The following BORCS5 variants were observed in gnomAD, a reference collection of about 807,000 sequenced individuals.
BORCS5 encodes BLOC-1 related complex subunit 5.
A neutral mutation model predicts 22.1 loss-of-function variants in BORCS5; 17 were observed. The ratio of observed to expected loss-of-function variants is 0.77; its 90% CI spans 0.53 to 1.15. BORCS5 has a LOEUF of 1.15. Ranked by LOEUF, BORCS5 falls within the 50% of genes most tolerant of loss-of-function variation. The probability of loss-of-function intolerance (pLI) is 0.00; values close to 1 mark genes in which losing one functional copy is unlikely to be tolerated. For synonymous variants in BORCS5, 117 were observed against 99.8 expected (o/e 1.17, Z -1.03); for missense variants, 247 against 253.2 (o/e 0.98, Z 0.17).
chr12:12,373,581 T>C (rs578120498), intron 2 of BORCS5, among the ~76,000 whole-genome samples: 12 of 152,232 alleles, frequency 7.9e-5, no homozygotes, highest in Non-Finnish European at 1.8e-4. Flanking sequence ...AAATGCTTTT[T>C]AATCCATATT....
chr12:12,409,472 A>G (rs1345731419), intron 2 of BORCS5, among the ~76,000 whole-genome samples: 1 of 151,942 alleles, frequency 6.6e-6, no homozygotes, highest in Non-Finnish European at 1.5e-5. Context: ...GAGTGAGAAC[A>G]TATGGTGTTT....
At chr12:12,358,787 G>A (rs1468976378) in intron 1 of BORCS5, among the ~76,000 whole-genome samples, 1 of 152,178 alleles carries the variant, frequency 6.6e-6, no homozygotes, top group African/African-American at 2.4e-5. Context: ...TCTGGGGAAG[G>A]AGGAATCACA....
intron 2 of BORCS5, among the ~76,000 whole-genome samples, chr12:12,395,378 CTT>C (rs149426240): frequency 0.013 from 2,010 of 151,238 alleles, 45 homozygotes; most frequent in African/African-American, 0.046. Context: ...AAATGATTCT[CTT>C]GTCTCAGCCT....
intron 3 of BORCS5, among the ~76,000 whole-genome samples, chr12:12,438,211 A>C (rs934470332): frequency 3.9e-5 from 6 of 151,992 alleles, no homozygotes; most frequent in Non-Finnish European, 8.8e-5. Context: ...AAATACAAAA[A>C]TTAGCCAGGT....
At chr12:12,405,361 C>G (rs1941573216) in intron 2 of BORCS5, among the ~76,000 whole-genome samples, 1 of 152,180 alleles carries the variant, frequency 6.6e-6, no homozygotes, top group African/African-American at 2.4e-5. Context: ...ATTGGTGACT[C>G]TAGAGCTTTC....
At chr12:12,414,628 G>A (rs1941867741) in intron 2 of BORCS5, among the ~76,000 whole-genome samples, 1 of 105,430 alleles carries the variant, frequency 9.5e-6, no homozygotes, top group African/African-American at 4.6e-5. Context: ...TTCCCAGTAG[G>A]GGCGGCCGGG....
At chr12:12,435,878 T>C in intron 3 of BORCS5, 93 bp downstream of exon 3, 1 of 1,270,478 alleles carries the variant, frequency 7.9e-7, no homozygotes, top group Non-Finnish European at 1.1e-6. Flanking sequence ...TTGTCACTAT[T>C]GCTTTGAGGA....
intron 3 of BORCS5, among the ~76,000 whole-genome samples, chr12:12,451,307 AAG>A (rs1284124407): frequency 1.3e-5 from 2 of 152,216 alleles, no homozygotes; most frequent in Admixed American, 6.5e-5. Context: ...TATTTAAACT[AAG>A]AGAAAAACGT....
intron 2 of BORCS5, among the ~76,000 whole-genome samples, chr12:12,401,178 C>A (rs1941464018): frequency 6.6e-6 from 1 of 152,158 alleles, no homozygotes; most frequent in Non-Finnish European, 1.5e-5. Context: ...TAACTAGGAA[C>A]AAATTGCTGT....
At chr12:12,380,915 A>T (rs1046628776) in intron 2 of BORCS5, among the ~76,000 whole-genome samples, 1 of 151,104 alleles carries the variant, frequency 6.6e-6, no homozygotes, top group Non-Finnish European at 1.5e-5. Context: ...ATATTGTATT[A>T]TAACAAGTTC....
chr12:12,381,153 G>T (rs149154074), intron 2 of BORCS5, among the ~76,000 whole-genome samples: 1 of 150,464 alleles, frequency 6.6e-6, no homozygotes, highest in Non-Finnish European at 1.5e-5. Context: ...CTGGGATTAC[G>T]GGTGCCTGGC....
chr12:12,470,284 G>A lies in BORCS5; in HGVS notation c.*4508G>A, dbSNP rs1943271743. The stretch of plus-strand genomic sequence containing the variant: ...GGGGTTTCACCATGTTGGCCAGGCA[G>A]GTCTCAAACTCCTGACCTCGTGATC... On this transcript the variant is annotated 3_prime_UTR_variant, in exon 4 of 4. Coordinates refer to ENST00000314565, the MANE Select transcript of BORCS5 (RefSeq NM_058169.6). Among the ~76,000 whole-genome samples the A allele has an allele frequency of 6.6e-6, 1 of 152,092 alleles. No individual in the cohort carries two copies. Among genetic ancestry groups the A allele is most frequent in the Non-Finnish European group, 1.5e-5 (1 of 68,026 alleles).
chr12:12,424,072 A>T (rs1942214799), intron 2 of BORCS5, among the ~76,000 whole-genome samples: 2 of 151,302 alleles, frequency 1.3e-5, no homozygotes, highest in South Asian at 4.2e-4. Context: ...GGATGTTTGT[A>T]TTCATCTCTT....
At chr12:12,462,991 C>G (rs937129279) in intron 3 of BORCS5, among the ~76,000 whole-genome samples, 1 of 152,020 alleles carries the variant, frequency 6.6e-6, no homozygotes, top group Non-Finnish European at 1.5e-5. Context: ...GTGAGGCAAC[C>G]CTAGGTGATA....
At chr12:12,396,846 C>T (rs761801016) in intron 2 of BORCS5, among the ~76,000 whole-genome samples, 39 of 152,294 alleles carry the variant, frequency 2.6e-4, no homozygotes, top group Non-Finnish European at 4.7e-4. Flanking sequence ...TGTTGAACAG[C>T]TGCGGTCTTT....
At chr12:12,458,211 T>C (rs1943033559) in intron 3 of BORCS5, among the ~76,000 whole-genome samples, 1 of 152,212 alleles carries the variant, frequency 6.6e-6, no homozygotes. Flanking sequence ...CTGTTAATAG[T>C]TTTACTCTTA....
chr12:12,440,462 G>A (rs147500328), intron 3 of BORCS5, among the ~76,000 whole-genome samples: 20 of 152,274 alleles, frequency 1.3e-4, no homozygotes, highest in African/African-American at 4.3e-4. Flanking sequence ...GTTTAGCCTC[G>A]CTGAGGGAAT....
At chr12:12,360,172 G>A (rs905767410) in intron 1 of BORCS5, among the ~76,000 whole-genome samples, 1 of 152,082 alleles carries the variant, frequency 6.6e-6, no homozygotes, top group Non-Finnish European at 1.5e-5. Flanking sequence ...GACCAGCCTG[G>A]CCAATATGGT....
Position 12,418,094 on chromosome 12 carries a change from G to T in BORCS5, c.203-17534G>T, listed in dbSNP as rs150162147. On this transcript the variant is annotated intron_variant, in intron 2 of 3. Transcript: ENST00000314565. ...GCTGGAGTGCAGTGACGCAATCTCA[G>T]CTCACTGCAAGGTCTGCCTCCCAGG... 3.3e-5 allele frequency among the ~76,000 whole-genome samples: 5 copies of T among 151,472 alleles called. No homozygotes were observed. The East Asian group carries it at 5.8e-4, about 18-fold the overall frequency.
Sources: allele counts gnomAD v4.1 joint callset (sites outside exome capture counted in the v4.1 genomes callset), GRCh38; gene constraint gnomAD v4.1.1; transcripts MANE v1.5; gene names NCBI Gene and HGNC (gene_info 2026-07-23, HGNC 2026-07-21).